Variants in LRP1B observed in about 807,000 individuals in gnomAD.
LRP1B encodes the protein low-density lipoprotein receptor-related protein 1B.
Under a neutral mutation model 556.6 loss-of-function variants are expected in LRP1B, and 217 were observed. The ratio of observed to expected loss-of-function variants is 0.39; its 90% CI spans 0.35 to 0.44. The LOEUF (loss-of-function observed/expected upper bound fraction) is 0.44, where lower values mean the gene tolerates loss of function less well. Ranked by LOEUF, LRP1B falls within the 20% of genes least tolerant of loss-of-function variation. LRP1B has a pLI of 1.00. For synonymous variants in LRP1B, 2,047 were observed against 1,865.8 expected, an observed-to-expected ratio of 1.10 and a Z score of -2.50; for missense variants, 5,053 against 5,620.8, an observed-to-expected ratio of 0.90 and a Z score of 3.23.
At chr2:140,854,060 TA>T (rs33945219) in intron 27 of LRP1B, among the ~76,000 whole-genome samples, 31,063 of 108,588 alleles carry the variant, frequency 0.29, 3,273 homozygotes, top group African/African-American at 0.36. Flanking sequence ...CATATCTGAA[TA>T]AAAAAAAAAA....
chr2:141,743,528 A>C (rs1574310589), intron 2 of LRP1B, among the ~76,000 whole-genome samples: 1 of 112,106 alleles, frequency 8.9e-6, no homozygotes, highest in Non-Finnish European at 1.8e-5. Flanking sequence ...GATTAGTTTG[A>C]GTAGAGTTGC....
chr2:142,130,312 T>A (rs1426797590), intron 1 of LRP1B, among the ~76,000 whole-genome samples: 1 of 152,126 alleles, frequency 6.6e-6, no homozygotes, highest in African/African-American at 2.4e-5. Context: ...CGGAGGGAAG[T>A]CTTTCGGAAA....
At chr2:141,952,468 A>G (rs1701133162) in intron 1 of LRP1B, among the ~76,000 whole-genome samples, 1 of 152,140 alleles carries the variant, frequency 6.6e-6, no homozygotes, top group Non-Finnish European at 1.5e-5. Flanking sequence ...TAGTTTTACT[A>G]CAGTTTGTAG....
chr2:141,972,845 A>G (rs1701782607), intron 1 of LRP1B, among the ~76,000 whole-genome samples: 1 of 151,754 alleles, frequency 6.6e-6, no homozygotes. Flanking sequence ...AATCTGATAG[A>G]AATAATGCTT....
intron 3 of LRP1B, among the ~76,000 whole-genome samples, chr2:141,341,070 G>T (rs1035695741): frequency 3.9e-5 from 6 of 152,130 alleles, no homozygotes; most frequent in Non-Finnish European, 8.8e-5. Context: ...ATAGGAAAAA[G>T]ATAGCATTTA....
chr2:142,048,760 C>T (rs1188999688), intron 1 of LRP1B, among the ~76,000 whole-genome samples: 1 of 151,886 alleles, frequency 6.6e-6, no homozygotes, highest in Non-Finnish European at 1.5e-5. Flanking sequence ...GAAAGAGAAC[C>T]TTATGGTCTA....
intron 2 of LRP1B, among the ~76,000 whole-genome samples, chr2:141,683,769 G>A (rs1055260533): frequency 6.6e-6 from 1 of 152,130 alleles, no homozygotes; most frequent in Non-Finnish European, 1.5e-5. Context: ...ATTGGCAGGA[G>A]GATGTGCTTT....
intron 25 of LRP1B, among the ~76,000 whole-genome samples, chr2:140,875,408 T>C (rs1693274276): frequency 6.6e-6 from 1 of 152,188 alleles, no homozygotes; most frequent in Non-Finnish European, 1.5e-5. Flanking sequence ...AAGATTAAAA[T>C]TTTATAGATT....
At chr2:140,762,861 T>C (rs1300543494) in intron 35 of LRP1B, among the ~76,000 whole-genome samples, 2 of 152,112 alleles carry the variant, frequency 1.3e-5, no homozygotes, top group African/African-American at 4.8e-5. Flanking sequence ...GACAAATTGA[T>C]TAATACATAT....
At chr2:141,799,509 G>C (rs561621223) in intron 2 of LRP1B, among the ~76,000 whole-genome samples, 11 of 152,026 alleles carry the variant, frequency 7.2e-5, no homozygotes, top group African/African-American at 2.7e-4. Context: ...TGTGCCCTTG[G>C]TCCTAAAACC....
chr2:141,221,547 GAC>G (rs1279855327), intron 6 of LRP1B, among the ~76,000 whole-genome samples: 2 of 152,120 alleles, frequency 1.3e-5, no homozygotes, highest in African/African-American at 4.8e-5. Context: ...AGACATTCAT[GAC>G]ATGAACTCAG....
At chr2:140,568,801 C>A (rs1396356055) in intron 43 of LRP1B, among the ~76,000 whole-genome samples, 4 of 152,078 alleles carry the variant, frequency 2.6e-5, no homozygotes, top group South Asian at 4.1e-4. Context: ...TAAAACCTTA[C>A]AGACCAGGAA....
chr2:142,014,728 T>C (rs1001354691), intron 1 of LRP1B, among the ~76,000 whole-genome samples: 1 of 152,108 alleles, frequency 6.6e-6, no homozygotes, highest in Admixed American at 6.5e-5. Flanking sequence ...TTTGCTACTG[T>C]GTGGTCATAG....
intron 31 of LRP1B, among the ~76,000 whole-genome samples, chr2:140,837,507 G>A (rs947009139): frequency 6.6e-6 from 1 of 151,990 alleles, no homozygotes; most frequent in African/African-American, 2.4e-5. Context: ...TTTAAAAAGT[G>A]TCATTTTGAA....
chr2:140,464,930 G>A (rs922059493), intron 60 of LRP1B, among the ~76,000 whole-genome samples: 23 of 152,220 alleles, frequency 1.5e-4, no homozygotes, highest in Non-Finnish European at 1.9e-4. Flanking sequence ...AAATAAAAAC[G>A]TAGAAGAGTG....
At chr2:141,188,166 T>C (rs1681343892) in intron 7 of LRP1B, among the ~76,000 whole-genome samples, 1 of 152,010 alleles carries the variant, frequency 6.6e-6, no homozygotes, top group Non-Finnish European at 1.5e-5. Flanking sequence ...ATGCAATTCT[T>C]GGGAAGGTGG....
chr2:140,369,614 C>T (rs1245570735), intron 71 of LRP1B, among the ~76,000 whole-genome samples: 1 of 151,504 alleles, frequency 6.6e-6, no homozygotes, highest in African/African-American at 2.4e-5. Context: ...AACTGAAGGC[C>T]TACTTTGGGT....
At chr2:141,999,663 A>C (rs1419524760) in intron 1 of LRP1B, among the ~76,000 whole-genome samples, 1 of 151,040 alleles carries the variant, frequency 6.6e-6, no homozygotes, top group Non-Finnish European at 1.5e-5. Flanking sequence ...TATGATGAGA[A>C]AGTTTATGTA....
chr2:140,900,454 A>C (rs1349389623), intron 23 of LRP1B, among the ~76,000 whole-genome samples: 2 of 152,240 alleles, frequency 1.3e-5, no homozygotes, highest in East Asian at 3.8e-4. Flanking sequence ...TTGTGTGAGA[A>C]TATTGAAGAA....
Sources: allele counts gnomAD v4.1 joint callset (sites outside exome capture counted in the v4.1 genomes callset), GRCh38; gene constraint gnomAD v4.1.1; transcripts MANE v1.5; gene names NCBI Gene and HGNC (gene_info 2026-07-23, HGNC 2026-07-21).